Variants in SEC31A observed in about 807,000 individuals in gnomAD.
SEC31A encodes SEC31 homolog A, COPII component.
SEC31A carries 70 observed loss-of-function variants against 151.0 expected under a neutral mutation model. That is an observed-to-expected ratio of 0.46 (90% CI 0.38 to 0.57). The LOEUF (loss-of-function observed/expected upper bound fraction) is 0.57. SEC31A is among the 20% of genes least tolerant of loss of function. SEC31A has a pLI of 0.00. For missense variants in SEC31A, 1,330 were observed against 1,471.2 expected (o/e 0.90, Z 1.57); for synonymous variants, 475 against 505.9 (o/e 0.94, Z 0.82).
In SEC31A at chr4:82,866,804, C is replaced by G. The variant is rs372968704; in HGVS notation, c.1197+4G>C. The G allele has an allele frequency of 6.3e-6, 10 of 1,597,220 alleles. No individual in the cohort carries two copies. The highest frequency in any genetic ancestry group is 1.7e-4 in the Middle Eastern group (1 of 5,990). On this transcript the variant is annotated splice_donor_region_variant and intron_variant, in intron 10 of 26. Transcript: ENST00000395310. ...TATGGACCATAAAAACAAAATCCAC[C>G]TACTGAAAAAGAAGCACCAACAGGC...
Position 82,851,614 on chromosome 4 carries a change from A to G in SEC31A, c.2155-10T>C, listed in dbSNP as rs74195839. ...CTTTCTCAATCAGATCCTAAATGAAAAAAATGAGTAACAAACAGAAATATC... is the reference window on the plus strand; with the variant it reads ...CTTTCTCAATCAGATCCTAAATGAAGAAAATGAGTAACAAACAGAAATATC... On this transcript the variant is annotated splice_polypyrimidine_tract_variant and intron_variant, in intron 18 of 26. Transcript: ENST00000395310. The G allele has an allele frequency of 5.6e-6, 9 of 1,599,822 alleles. No individual in the cohort carries two copies. Among genetic ancestry groups the G allele is most frequent in the East Asian group, 4.5e-5 (2 of 44,568 alleles).
intron 20 of SEC31A, 74 bp from the exon 21 acceptor site, chr4:82,844,583 C>G: frequency 7.1e-7 from 1 of 1,417,170 alleles, no homozygotes; most frequent in South Asian, 1.3e-5. Context: ...ATTACAATCT[C>G]TGAAATGGAA....
chr4:82,874,492 A>T, intron 6 of SEC31A, 119 bp downstream of exon 6: 1 of 987,020 alleles, frequency 1.0e-6, no homozygotes, highest in Non-Finnish European at 1.5e-6. Flanking sequence ...ATGACTGATT[A>T]ATAAAAAAAC....
chr4:82,832,211 T>C (rs947585905), intron 22 of SEC31A, among the ~76,000 whole-genome samples: 1 of 152,036 alleles, frequency 6.6e-6, no homozygotes, highest in African/African-American at 2.4e-5. Flanking sequence ...AAAACAGATA[T>C]ACAGACCAAT....
At chr4:82,830,576 A>G (rs906522151) in intron 22 of SEC31A, among the ~76,000 whole-genome samples, 5 of 152,270 alleles carry the variant, frequency 3.3e-5, no homozygotes, top group Admixed American at 2.0e-4. Context: ...ACAAAATATT[A>G]ACTCATATGC....
intron 26 of SEC31A, among the ~76,000 whole-genome samples, 161 bp downstream of exon 26, chr4:82,820,876 C>T (rs994534943): frequency 2.0e-5 from 3 of 152,042 alleles, no homozygotes; most frequent in Non-Finnish European, 4.4e-5. Flanking sequence ...CCCCTTAACC[C>T]CAGTGAGTGG....
At chr4:82,834,117 T>C (rs1260971537) in intron 22 of SEC31A, among the ~76,000 whole-genome samples, 2 of 152,230 alleles carry the variant, frequency 1.3e-5, no homozygotes, top group African/African-American at 2.4e-5. Context: ...ATGTGAGATA[T>C]GACTTCATAA....
At chr4:82,852,030 C>T (rs187810902) in intron 18 of SEC31A, among the ~76,000 whole-genome samples, 12 of 152,308 alleles carry the variant, frequency 7.9e-5, no homozygotes, top group Admixed American at 5.9e-4. Flanking sequence ...CCATAATCCC[C>T]ATGTGTCATG....
intron 6 of SEC31A, among the ~76,000 whole-genome samples, chr4:82,874,132 T>C (rs1560652728): frequency 6.6e-6 from 1 of 152,020 alleles, no homozygotes; most frequent in Non-Finnish European, 1.5e-5. Context: ...ACCCCATCTC[T>C]ACCAAAAATA....
chr4:82,895,599 G>A (rs1242930387), upstream of SEC31A: 1 of 152,194 alleles, frequency 6.6e-6, no homozygotes, highest in Non-Finnish European at 1.5e-5. Context: ...TCAGAGTACA[G>A]TATCCACATT....
chr4:82,899,815 T>C (rs1036671856), intron 2 of SEC31A: 3 of 152,700 alleles, frequency 2.0e-5, no homozygotes, highest in African/African-American at 7.2e-5. Flanking sequence ...TTGTGTGCTA[T>C]ACAAAGAAAC....
chr4:82,865,961 T>A (rs1460977588), intron 10 of SEC31A, among the ~76,000 whole-genome samples: 1 of 151,868 alleles, frequency 6.6e-6, no homozygotes, highest in Non-Finnish European at 1.5e-5. Context: ...TATTATGCAT[T>A]TTTTACAATT....
At chr4:82,855,177 T>C in intron 16 of SEC31A, 148 bp from the exon 17 acceptor site, 2 of 666,282 alleles carry the variant, frequency 3.0e-6, no homozygotes, top group South Asian at 2.3e-5. Context: ...AATAATGGTA[T>C]TATTGTTCCT....
At chr4:82,844,274 G>T in intron 21 of SEC31A, 112 bp downstream of exon 21, 1 of 1,174,496 alleles carries the variant, frequency 8.5e-7, no homozygotes, top group Middle Eastern at 2.4e-4. Context: ...GGAATCCTAT[G>T]CACAATGGTT....
chr4:82,880,669 T>C, intron 3 of SEC31A, 130 bp downstream of exon 3: 1 of 798,214 alleles, frequency 1.3e-6, no homozygotes, highest in Non-Finnish European at 1.9e-6. Flanking sequence ...CACATGCTTT[T>C]TCACAAAATA....
At chr4:82,872,229 C>T in intron 6 of SEC31A, 143 bp from the exon 7 acceptor site, 6 of 693,014 alleles carry the variant, frequency 8.7e-6, no homozygotes, top group Non-Finnish European at 1.5e-5. Flanking sequence ...TTATTGTCAG[C>T]CAGGCTGGAG....
At chr4:82,871,840 A>T (rs1560648991) in intron 7 of SEC31A, 104 bp downstream of exon 7, 1 of 1,466,328 alleles carries the variant, frequency 6.8e-7, no homozygotes. Flanking sequence ...CTCCATCTAA[A>T]AAAAAAAGTT....
chr4:82,848,509 ATAG>A (rs888601425), intron 20 of SEC31A, among the ~76,000 whole-genome samples: 4 of 152,210 alleles, frequency 2.6e-5, no homozygotes, highest in Admixed American at 1.3e-4. Context: ...AGAAATTTTA[ATAG>A]TAGATGTACA....
intron 16 of SEC31A, among the ~76,000 whole-genome samples, chr4:82,856,708 G>A (rs890639413): frequency 6.6e-6 from 1 of 151,978 alleles, no homozygotes; most frequent in Non-Finnish European, 1.5e-5. Flanking sequence ...TCAAGATCAC[G>A]CCACCGGACT....
Sources: allele counts gnomAD v4.1 joint callset (sites outside exome capture counted in the v4.1 genomes callset), GRCh38; gene constraint gnomAD v4.1.1; transcripts MANE v1.5; gene names NCBI Gene and HGNC (gene_info 2026-07-23, HGNC 2026-07-21).